The following CDH4 variants were observed in gnomAD, a reference collection of about 807,000 sequenced individuals.
CDH4 encodes cadherin 4.
In CDH4, 33 loss-of-function variants were observed where a neutral mutation model predicts 86.0. The ratio of observed to expected loss-of-function variants is 0.38; its 90% CI spans 0.29 to 0.51. The LOEUF (loss-of-function observed/expected upper bound fraction) is 0.51, where lower values mean the gene tolerates loss of function less well. CDH4 is among the 20% of genes least tolerant of loss of function. The pLI is 0.86. For missense variants in CDH4, 1,114 were observed against 1,307.4 expected, an observed-to-expected ratio of 0.85 and a Z score of 2.28; for synonymous variants, 555 against 549.4, an observed-to-expected ratio of 1.01 and a Z score of -0.14.
At chr20:61,563,984 A>T (rs1004412413) in intron 2 of CDH4, among the ~76,000 whole-genome samples, 2 of 152,006 alleles carry the variant, frequency 1.3e-5, no homozygotes, top group Non-Finnish European at 2.9e-5. Flanking sequence ...AAATGAGACT[A>T]ATTCTGCCCT....
At chr20:61,319,640 A>C (rs1476246704) in intron 2 of CDH4, among the ~76,000 whole-genome samples, 2 of 152,150 alleles carry the variant, frequency 1.3e-5, no homozygotes, top group Non-Finnish European at 2.9e-5. Flanking sequence ...ATAAAGTTTC[A>C]ATTATACAAG....
At chr20:61,920,428 C>T (rs938285608) in intron 9 of CDH4, among the ~76,000 whole-genome samples, 16 of 134,302 alleles carry the variant, frequency 1.2e-4, no homozygotes, top group Non-Finnish European at 1.7e-4. Context: ...TGCGTGGAAG[C>T]GTGTCTTGGT....
chr20:61,844,855 C>T, intron 5 of CDH4, 32 bp downstream of exon 5: 3 of 1,584,996 alleles, frequency 1.9e-6, no homozygotes, highest in South Asian at 1.1e-5. Context: ...AGAATGGGGC[C>T]CTGGGGTGGC....
At chr20:61,602,075 G>A (rs916348566) in intron 2 of CDH4, among the ~76,000 whole-genome samples, 2 of 152,192 alleles carry the variant, frequency 1.3e-5, no homozygotes, top group Non-Finnish European at 2.9e-5. Context: ...GGGTGGAGCT[G>A]CGCCGTGCCC....
intron 4 of CDH4, among the ~76,000 whole-genome samples, chr20:61,812,549 T>C (rs1980493548): frequency 6.6e-6 from 1 of 152,170 alleles, no homozygotes; most frequent in Non-Finnish European, 1.5e-5. Flanking sequence ...TCAGCCACCA[T>C]ACCTGGTCTG....
In CDH4 at chr20:61,463,241, G is replaced by C. The variant is rs146951499; in HGVS notation, c.169+208304G>C. Among the ~76,000 whole-genome samples, 23 of 152,278 alleles carry C rather than the reference G, an allele frequency of 1.5e-4. No homozygotes were observed. In the East Asian group the frequency reaches 4.2e-3, roughly 28 times the overall value. ...CCCTTTATAAATTGCCCAGTTTCTG[G>C]TATGTCTTTATTAGCAGCATTAGAA... is the stretch of plus-strand genomic sequence containing the variant. On this transcript the variant is annotated intron_variant, in intron 2 of 15. Transcript: ENST00000614565.
chr20:61,622,267 A>G (rs1165172297), intron 2 of CDH4, among the ~76,000 whole-genome samples: 2 of 152,262 alleles, frequency 1.3e-5, no homozygotes, highest in Non-Finnish European at 2.9e-5. Flanking sequence ...GCTTATGGAA[A>G]GGACCTAGGT....
chr20:61,277,718 A>C (rs1292540549), intron 2 of CDH4, among the ~76,000 whole-genome samples: 1 of 152,272 alleles, frequency 6.6e-6, no homozygotes, highest in Non-Finnish European at 1.5e-5. Flanking sequence ...AGTGAGTCTT[A>C]GTCTAATGAA....
intron 9 of CDH4, among the ~76,000 whole-genome samples, chr20:61,918,270 G>A (rs978930104): frequency 2.6e-5 from 4 of 152,216 alleles, no homozygotes; most frequent in African/African-American, 9.7e-5. Flanking sequence ...TGGATCAGGC[G>A]TCCCTTCAGG....
intron 2 of CDH4, among the ~76,000 whole-genome samples, chr20:61,671,490 G>T (rs959051953): frequency 6.6e-6 from 1 of 151,848 alleles, no homozygotes; most frequent in Non-Finnish European, 1.5e-5. Flanking sequence ...AGTGAGACCT[G>T]GTCTCTAGAA....
At chr20:61,752,329 CAAA>C (rs34828485) in intron 3 of CDH4, among the ~76,000 whole-genome samples, 4,686 of 83,086 alleles carry the variant, frequency 0.056, 192 homozygotes, top group African/African-American at 0.19. Flanking sequence ...AAAAGCCTGT[CAAA>C]AAAAAAAAAA....
At chr20:61,916,483 C>T (rs1430722921) in intron 9 of CDH4, among the ~76,000 whole-genome samples, 2 of 152,250 alleles carry the variant, frequency 1.3e-5, no homozygotes, top group African/African-American at 2.4e-5. Context: ...AAGGTAAGGA[C>T]TGAATCAATG....
chr20:61,323,436 A>G (rs1176583252), intron 2 of CDH4, among the ~76,000 whole-genome samples: 1 of 152,174 alleles, frequency 6.6e-6, no homozygotes, highest in Non-Finnish European at 1.5e-5. Context: ...GGAAAGTTCT[A>G]TTCAGTTGGC....
At chr20:61,727,139 CCATCATCACCATCAGAGT>C (rs1416255113) in intron 2 of CDH4, among the ~76,000 whole-genome samples, 8 of 151,594 alleles carry the variant, frequency 5.3e-5, no homozygotes, top group Non-Finnish European at 8.8e-5. Context: ...ACCATCAGAG[CCATCATCACCATCAGAGT>C]CATCATCATC....
chr20:61,556,892 G>A (rs1355828086), intron 2 of CDH4, among the ~76,000 whole-genome samples: 2 of 152,230 alleles, frequency 1.3e-5, no homozygotes, highest in Non-Finnish European at 2.9e-5. Context: ...CACGTGAGGC[G>A]CCGCCATCCT....
chr20:61,433,237 C>T (rs2085258580), intron 2 of CDH4, among the ~76,000 whole-genome samples: 2 of 152,150 alleles, frequency 1.3e-5, no homozygotes, highest in Admixed American at 1.3e-4. Context: ...ATTGTTGGTG[C>T]ACCATTTGTT....
intron 2 of CDH4, among the ~76,000 whole-genome samples, chr20:61,419,307 G>A (rs552121466): frequency 3.9e-5 from 6 of 152,242 alleles, no homozygotes; most frequent in East Asian, 1.9e-4. Context: ...ATCGTACCCC[G>A]ACAAATACAT....
chr20:61,813,855 C>T (rs1980567310), intron 4 of CDH4, among the ~76,000 whole-genome samples: 1 of 152,222 alleles, frequency 6.6e-6, no homozygotes, highest in South Asian at 2.1e-4. Flanking sequence ...AACGGCCCTA[C>T]CCCTGCCGCA....
chr20:61,511,976 C>T (rs2085783537), intron 2 of CDH4, among the ~76,000 whole-genome samples: 1 of 152,180 alleles, frequency 6.6e-6, no homozygotes, highest in Non-Finnish European at 1.5e-5. Flanking sequence ...CTGTGAAGCT[C>T]GCCTGCTGGG....
Sources: gnomAD v4.1 joint callset for allele counts (sites outside exome capture counted in the v4.1 genomes callset) on GRCh38, gnomAD v4.1.1 for gene constraint, MANE v1.5 for transcripts, NCBI Gene and HGNC (gene_info 2026-07-23, HGNC 2026-07-21) for gene names.